The following ANXA8 variants were observed in gnomAD, a reference collection of about 807,000 sequenced individuals.
ANXA8 encodes annexin A8, also known as VAC-beta.
Under a neutral mutation model 26.8 loss-of-function variants are expected in ANXA8, and 9 were observed. The observed-to-expected ratio is 0.34, with a 90% CI of 0.20 to 0.59. The LOEUF (loss-of-function observed/expected upper bound fraction) is 0.59. ANXA8 is among the 20% of genes least tolerant of loss of function. The probability of loss-of-function intolerance (pLI) is 0.84; values close to 1 mark genes in which losing one functional copy is unlikely to be tolerated. For missense variants in ANXA8, 83 were observed against 238.5 expected (o/e 0.35, Z 4.29); for synonymous variants, 39 against 94.8 (o/e 0.41, Z 3.42).
At chr10:47,948,440 C>T in the ANXA8 span, among the ~76,000 whole-genome samples, 51 of 124,086 alleles carry the variant, frequency 4.1e-4, no homozygotes, top group African/African-American at 1.7e-3. Flanking sequence ...AAAGGAAATA[C>T]AAGGGCCAAA....
chr10:47,520,979 C>T, the ANXA8 span, among the ~76,000 whole-genome samples: 1 of 112,566 alleles, frequency 8.9e-6, no homozygotes, highest in African/African-American at 4.1e-5. Context: ...AAGATGTATT[C>T]TAGAGTTTTT....
At chr10:47,743,957 A>G in the ANXA8 span, among the ~76,000 whole-genome samples, 10 of 141,204 alleles carry the variant, frequency 7.1e-5, no homozygotes, top group Admixed American at 2.8e-4. Flanking sequence ...ATGATTTGCC[A>G]GACGGTACTG....
chr10:47,745,805 G>A, the ANXA8 span, among the ~76,000 whole-genome samples: 3 of 143,002 alleles, frequency 2.1e-5, no homozygotes, highest in Non-Finnish European at 4.6e-5. Context: ...TAGTGTTGCA[G>A]TTCCCCTCAG....
At chr10:47,772,398 A>G in the ANXA8 span, among the ~76,000 whole-genome samples, 1 of 152,264 alleles carries the variant, frequency 6.6e-6, no homozygotes, top group Non-Finnish European at 1.5e-5. Context: ...CCCTCATCTT[A>G]TCAGAAAGCC....
the ANXA8 span, among the ~76,000 whole-genome samples, chr10:47,684,810 T>C: frequency 6.6e-6 from 1 of 150,488 alleles, no homozygotes; most frequent in Non-Finnish European, 1.5e-5. Context: ...GGTCTCAAAC[T>C]CCTGACCTCA....
At chr10:47,950,505 G>T in the ANXA8 span, among the ~76,000 whole-genome samples, 1 of 150,624 alleles carries the variant, frequency 6.6e-6, no homozygotes, top group African/African-American at 2.5e-5. Context: ...ATCAATCAAC[G>T]CAATTCACCA....
chr10:47,522,261 C>T, the ANXA8 span, among the ~76,000 whole-genome samples: 45 of 143,612 alleles, frequency 3.1e-4, 2 homozygotes, highest in South Asian at 6.6e-4. Flanking sequence ...AAGTTTTGAC[C>T]GTGAACCAAT....
the ANXA8 span, among the ~76,000 whole-genome samples, chr10:47,649,715 TA>T: frequency 1.6e-4 from 24 of 148,154 alleles, 1 homozygote; most frequent in East Asian, 6.0e-4. Context: ...CCCTTAAAAT[TA>T]AAAAAATTTT....
At chr10:47,504,846 CTTT>C in the ANXA8 span, among the ~76,000 whole-genome samples, 9 of 46,826 alleles carry the variant, frequency 1.9e-4, no homozygotes, top group South Asian at 6.9e-4. Context: ...CATAACTGTT[CTTT>C]TTTTTTTTTT....
the ANXA8 span, among the ~76,000 whole-genome samples, chr10:47,744,028 G>C: frequency 1.4e-5 from 2 of 147,884 alleles, no homozygotes; most frequent in African/African-American, 2.5e-5. Context: ...GAGACGTGCG[G>C]GGGGTAGGGA....
the ANXA8 span, among the ~76,000 whole-genome samples, chr10:47,684,706 C>T: frequency 2.6e-5 from 4 of 151,816 alleles, no homozygotes; most frequent in South Asian, 8.3e-4. Flanking sequence ...CTGCCTCAGC[C>T]TCTGGCGTAG....
chr10:47,550,251 A>G, the ANXA8 span, among the ~76,000 whole-genome samples: 2 of 151,894 alleles, frequency 1.3e-5, no homozygotes, highest in Admixed American at 6.5e-5. Flanking sequence ...TCTTCCCTCA[A>G]ACTTGGAAAG....
the ANXA8 span, among the ~76,000 whole-genome samples, chr10:47,733,175 T>G: frequency 1.1e-5 from 1 of 93,270 alleles, no homozygotes; most frequent in Non-Finnish European, 2.6e-5. Flanking sequence ...CTTTCTTTCT[T>G]TCTTTCTTTC....
At chr10:47,475,049 G>C (rs2132402541) in intron 6 of ANXA8, 45 bp from the exon 7 acceptor site, 1 of 1,528,836 alleles carries the variant, frequency 6.5e-7, no homozygotes, top group South Asian at 1.2e-5. Context: ...CAGCTGACCA[G>C]AGCATTAAGG....
the ANXA8 span, among the ~76,000 whole-genome samples, chr10:47,970,720 C>A: frequency 4.4e-4 from 67 of 151,480 alleles, 1 homozygote; most frequent in African/African-American, 1.6e-3. Flanking sequence ...TTGGAACTGC[C>A]AGTGTGTTTT....
At chr10:47,676,957 T>G in the ANXA8 span, among the ~76,000 whole-genome samples, 1 of 137,430 alleles carries the variant, frequency 7.3e-6, no homozygotes, top group East Asian at 2.1e-4. Flanking sequence ...AATAGAATGT[T>G]AAATACAATG....
the ANXA8 span, among the ~76,000 whole-genome samples, chr10:47,947,657 T>G: frequency 6.6e-6 from 1 of 150,420 alleles, no homozygotes; most frequent in Non-Finnish European, 1.5e-5. Flanking sequence ...GTGAAGGATG[T>G]GTTTGCTTTC....
At chr10:47,736,589 G>C in the ANXA8 span, among the ~76,000 whole-genome samples, 2 of 150,198 alleles carry the variant, frequency 1.3e-5, no homozygotes, top group East Asian at 3.9e-4. Flanking sequence ...TGAAAGACTA[G>C]TTGTTAGGTT....
the ANXA8 span, among the ~76,000 whole-genome samples, chr10:47,672,215 A>G: frequency 6.7e-6 from 1 of 150,212 alleles, no homozygotes; most frequent in Non-Finnish European, 1.5e-5. Context: ...TTTACCATTC[A>G]TTAAGAACAA....
Sources: gnomAD v4.1 joint callset for allele counts (sites outside exome capture counted in the v4.1 genomes callset) on GRCh38, gnomAD v4.1.1 for gene constraint, MANE v1.5 for transcripts, NCBI Gene and HGNC (gene_info 2026-07-23, HGNC 2026-07-21) for gene names.